KCNH8: variants seen among roughly 807,000 people sequenced by gnomAD.
KCNH8 encodes the protein voltage-gated delayed rectifier potassium channel KCNH8.
A neutral mutation model predicts 103.6 loss-of-function variants in KCNH8; 70 were observed. That is an observed-to-expected ratio of 0.68 (90% CI 0.56 to 0.82). The LOEUF (loss-of-function observed/expected upper bound fraction) is 0.82, where lower values mean the gene tolerates loss of function less well. Among genes scored for constraint, KCNH8 ranks in the 40% least tolerant of loss-of-function variants. KCNH8 has a pLI of 0.00. For synonymous variants in KCNH8, 498 were observed against 489.4 expected (o/e 1.02, Z -0.23); for missense variants, 1,217 against 1,329.9 (o/e 0.92, Z 1.32).
At chr3:19,277,385 A>G (rs1274087613) in intron 2 of KCNH8, among the ~76,000 whole-genome samples, 4 of 152,080 alleles carry the variant, frequency 2.6e-5, no homozygotes, top group African/African-American at 9.7e-5. Flanking sequence ...AAACATAGGG[A>G]GATCCCCATC....
intron 15 of KCNH8, among the ~76,000 whole-genome samples, chr3:19,522,187 T>G (rs1300463996): frequency 6.6e-6 from 1 of 151,876 alleles, no homozygotes; most frequent in African/African-American, 2.4e-5. Flanking sequence ...AAAATGAGCT[T>G]TGTAGAAACA....
chr3:19,356,519 G>C (rs2065883735), intron 5 of KCNH8, among the ~76,000 whole-genome samples: 1 of 151,952 alleles, frequency 6.6e-6, no homozygotes. Flanking sequence ...TTAATTATTT[G>C]GGATCAACAT....
intron 1 of KCNH8, among the ~76,000 whole-genome samples, chr3:19,252,292 A>G (rs1425543737): frequency 2.0e-5 from 3 of 152,180 alleles, no homozygotes; most frequent in African/African-American, 7.2e-5. Flanking sequence ...GCACTTAATA[A>G]TAGTTTAATG....
Position 19,515,307 on chromosome 3 carries a change from CTTTAT to C in KCNH8, c.2436-10_2436-6del. Reference sequence around the variant, plus strand: ...TATGAATCCACAGCCAGCCAATTTCCTTTATTTTAAGTAGGATTGTTGATGGAATT... The same window carrying C: ...TATGAATCCACAGCCAGCCAATTTCCTTTAAGTAGGATTGTTGATGGAATT... On this transcript the variant is annotated splice_polypyrimidine_tract_variant and intron_variant, in intron 13 of 15. Coordinates refer to ENST00000328405, the MANE Select transcript of KCNH8 (RefSeq NM_144633.3). 6.7e-7 allele frequency: 1 copy of C among 1,490,694 alleles called. No individual in the cohort carries two copies. The highest frequency in any genetic ancestry group is 9.2e-7 in the Non-Finnish European group (1 of 1,089,198). The allele number at this position is 1,490,694 out of a possible 1,614,324, so 92.3% of individuals were successfully genotyped here.
intron 1 of KCNH8, among the ~76,000 whole-genome samples, chr3:19,201,982 A>G (rs1271478492): frequency 6.6e-6 from 1 of 152,162 alleles, no homozygotes; most frequent in African/African-American, 2.4e-5. Context: ...TAAGAAGTAA[A>G]ACTTAAGGTC....
intron 11 of KCNH8, among the ~76,000 whole-genome samples, chr3:19,468,700 T>TA (rs895719978): frequency 6.6e-6 from 1 of 152,228 alleles, no homozygotes; most frequent in Non-Finnish European, 1.5e-5. Flanking sequence ...TTTCTACATC[T>TA]AATTTCCATG....
Position 19,509,801 on chromosome 3 carries a change from G to C in KCNH8, c.2041-562G>C, listed in dbSNP as rs1009902369. Among the ~76,000 whole-genome samples the C allele has an allele frequency of 4.6e-5, 7 of 152,264 alleles. No individual in the cohort carries two copies. The South Asian group carries it at 1.5e-3, about 32-fold the overall frequency. On this transcript the variant is annotated intron_variant, in intron 11 of 15. Transcript: ENST00000328405. ...TTGTCCACAGGGATTACCACAGTGAGATAGTGGAAAACAAGTGGAACAGAA... is the reference window on the plus strand; with the variant it reads ...TTGTCCACAGGGATTACCACAGTGACATAGTGGAAAACAAGTGGAACAGAA...
intron 15 of KCNH8, among the ~76,000 whole-genome samples, chr3:19,521,263 C>T (rs932014899): frequency 6.6e-6 from 1 of 151,962 alleles, no homozygotes; most frequent in African/African-American, 2.4e-5. Context: ...ATAAAACACA[C>T]TATGGAAGAA....
At chr3:19,430,426 GTTTTT>G (rs1001814849) in intron 7 of KCNH8, among the ~76,000 whole-genome samples, 66 of 151,300 alleles carry the variant, frequency 4.4e-4, no homozygotes, top group African/African-American at 1.5e-3. Context: ...TTTTGTTTTT[GTTTTT>G]ATTTGTTTTG....
intron 3 of KCNH8, among the ~76,000 whole-genome samples, chr3:19,311,473 A>G (rs1221594691): frequency 6.6e-6 from 1 of 150,926 alleles, no homozygotes; most frequent in Non-Finnish European, 1.5e-5. Context: ...CTTTTTTGCA[A>G]TATATATTAA....
chr3:19,326,382 T>TATATATATATATATATATATATATATAA (rs879457927), intron 3 of KCNH8, among the ~76,000 whole-genome samples: 6 of 142,550 alleles, frequency 4.2e-5, no homozygotes, highest in African/African-American at 1.6e-4. Flanking sequence ...TATATATATA[T>TATATATATATATATATATATATATATAA]AATAAATGAT....
At chr3:19,250,487 C>A (rs1051379843) in intron 1 of KCNH8, among the ~76,000 whole-genome samples, 2 of 152,080 alleles carry the variant, frequency 1.3e-5, no homozygotes, top group African/African-American at 2.4e-5. Flanking sequence ...ATATGCTAGA[C>A]AAATACTAAC....
intron 5 of KCNH8, among the ~76,000 whole-genome samples, chr3:19,388,903 A>G (rs2066395332): frequency 6.6e-6 from 1 of 152,104 alleles, no homozygotes; most frequent in South Asian, 2.1e-4. Context: ...GACTTCCTTT[A>G]TGCCTCAATT....
intron 1 of KCNH8, among the ~76,000 whole-genome samples, chr3:19,230,196 G>A (rs2063978312): frequency 6.6e-6 from 1 of 152,132 alleles, no homozygotes; most frequent in Admixed American, 6.5e-5. Flanking sequence ...TATGGGAGTG[G>A]GAATTATAGG....
intron 11 of KCNH8, among the ~76,000 whole-genome samples, chr3:19,488,676 T>C (rs2068260594): frequency 6.6e-6 from 1 of 152,176 alleles, no homozygotes; most frequent in Admixed American, 6.5e-5. Flanking sequence ...ATCAATGCCT[T>C]AGGATACCAT....
At chr3:19,444,950 T>C (rs1055160509) in intron 8 of KCNH8, among the ~76,000 whole-genome samples, 3 of 152,004 alleles carry the variant, frequency 2.0e-5, no homozygotes, top group African/African-American at 7.2e-5. Context: ...AATATACCTC[T>C]ACTCTGTGAT....
chr3:19,504,269 A>G (rs935832093), intron 11 of KCNH8, among the ~76,000 whole-genome samples: 1 of 152,248 alleles, frequency 6.6e-6, no homozygotes, highest in Non-Finnish European at 1.5e-5. Context: ...CATTCTGGAC[A>G]TAGGACCTGG....
intron 11 of KCNH8, among the ~76,000 whole-genome samples, chr3:19,465,024 G>T (rs2067707136): frequency 6.6e-6 from 1 of 152,092 alleles, no homozygotes; most frequent in South Asian, 2.1e-4. Flanking sequence ...AGTTTTGAAG[G>T]CATTACTTAG....
At chr3:19,307,864 G>A (rs1020776579) in intron 3 of KCNH8, among the ~76,000 whole-genome samples, 1 of 151,834 alleles carries the variant, frequency 6.6e-6, no homozygotes, top group African/African-American at 2.4e-5. Flanking sequence ...AAAGTAAAAA[G>A]TAGAACAGAA....
Sources: allele counts gnomAD v4.1 joint callset (sites outside exome capture counted in the v4.1 genomes callset), GRCh38; gene constraint gnomAD v4.1.1; transcripts MANE v1.5; gene names NCBI Gene and HGNC (gene_info 2026-07-23, HGNC 2026-07-21).